The following FTO variants were observed in gnomAD, a reference collection of about 807,000 sequenced individuals.
The protein encoded by FTO is FTO alpha-ketoglutarate dependent dioxygenase, also known as alpha-ketoglutarate-dependent dioxygenase FTO.
In FTO, 47 loss-of-function variants were observed where a neutral mutation model predicts 63.9. That is an observed-to-expected ratio of 0.74 (90% CI 0.58 to 0.94). The LOEUF is 0.94. Ranked by LOEUF, FTO falls within the 40% of genes least tolerant of loss-of-function variation. FTO has a pLI of 0.00. For missense variants in FTO, 562 were observed against 618.1 expected, an observed-to-expected ratio of 0.91 and a Z score of 0.96; for synonymous variants, 207 against 224.4, an observed-to-expected ratio of 0.92 and a Z score of 0.69.
At chr16:53,973,033 A>C (rs567596358) in intron 8 of FTO, among the ~76,000 whole-genome samples, 6 of 152,348 alleles carry the variant, frequency 3.9e-5, no homozygotes, top group Admixed American at 2.6e-4. Flanking sequence ...AAAGTAAGGC[A>C]TTGACTCAGC....
At chr16:53,712,084 C>T (rs1343052358) in intron 1 of FTO, among the ~76,000 whole-genome samples, 2 of 152,070 alleles carry the variant, frequency 1.3e-5, no homozygotes, top group Non-Finnish European at 2.9e-5. Flanking sequence ...CAGAGTGAGA[C>T]CCTGTCTCTA....
chr16:53,897,377 A>T (rs2081301906), intron 7 of FTO, among the ~76,000 whole-genome samples: 1 of 152,160 alleles, frequency 6.6e-6, no homozygotes, highest in Admixed American at 6.6e-5. Context: ...TCAACTAAAA[A>T]TCTGGAGTCT....
In FTO at chr16:54,117,667, A is replaced by C. The variant is rs543911250; in HGVS notation, c.*5752A>C. ...TTCCATTTTTCGCTAGGCGGATGGC[A>C]TGGAACTTTTTATAAATGAGATATT... On this transcript the variant is annotated 3_prime_UTR_variant, in exon 9 of 9. Transcript: ENST00000471389. 6.6e-6 allele frequency: 1 copy of C among 152,304 alleles called. No homozygotes were observed. Among genetic ancestry groups the C allele is most frequent in the Admixed American group, 6.5e-5 (1 of 15,296 alleles). The allele number at this position is 152,304 out of a possible 1,614,324, so 9.4% of individuals were successfully genotyped here. A position where few individuals can be genotyped will look rare whatever the true frequency, so the allele number is the denominator to read the frequency against.
chr16:53,973,728 G>A (rs77422645), intron 8 of FTO, among the ~76,000 whole-genome samples: 1,729 of 152,250 alleles, frequency 0.011, 20 homozygotes, highest in Non-Finnish European at 0.016. Flanking sequence ...GGAAGAGGGA[G>A]ACCCAGTGGA....
intron 8 of FTO, among the ~76,000 whole-genome samples, chr16:53,976,652 A>G (rs765135060): frequency 6.6e-6 from 1 of 152,196 alleles, no homozygotes; most frequent in Non-Finnish European, 1.5e-5. Context: ...CATTGAATTT[A>G]TAGGTATATA....
At position 53,950,132 on chromosome 16, in the gene FTO, A is replaced by T. The variant is rs534014831; in HGVS notation, c.1364+16023A>T. ...ATGAGGTTTAGAGGCATTTGGCAGG[A>T]AAAAAAAAGATATTCACATTTGTAA... On this transcript the variant is annotated intron_variant, in intron 8 of 8. Transcript: ENST00000471389. Among the ~76,000 whole-genome samples the T allele has an allele frequency of 3.0e-5, 4 of 132,632 alleles. No homozygotes were observed. The South Asian group carries it at 6.8e-4, about 23-fold the overall frequency. The allele number at this position is 132,632 out of a possible 152,430, so 87.0% of individuals were successfully genotyped here. A position where few individuals can be genotyped will look rare whatever the true frequency, so the allele number is the denominator to read the frequency against.
At chr16:53,831,116 T>C (rs1003109226) in intron 3 of FTO, among the ~76,000 whole-genome samples, 1 of 152,222 alleles carries the variant, frequency 6.6e-6, no homozygotes, top group Admixed American at 6.5e-5. Context: ...ATCTCTATTT[T>C]AACATGACTT....
At chr16:54,064,280 C>G (rs1303858983) in intron 8 of FTO, among the ~76,000 whole-genome samples, 1 of 152,174 alleles carries the variant, frequency 6.6e-6, no homozygotes, top group Admixed American at 6.5e-5. Context: ...ATATTTCTTT[C>G]CAAAGCCCTG....
rs1338479402 is a variant in FTO at position 53,934,110 on chromosome 16, G to A, written c.1364+1G>A. On this transcript the variant is annotated splice_donor_variant, in intron 8 of 8. Transcript: ENST00000471389. LOFTEE classifies it high-confidence loss of function. The stretch of plus-strand genomic sequence containing the variant: ...ACCTGAGGAGAGAATGGCATGCCAG[G>A]TTAGTTCTGTTGTGAAATGGGATTT... 1 of 1,614,118 alleles carries A rather than the reference G, an allele frequency of 6.2e-7. No homozygotes were observed. The highest frequency in any genetic ancestry group is 1.7e-5 in the Admixed American group (1 of 60,024).
intron 1 of FTO, among the ~76,000 whole-genome samples, chr16:53,739,621 C>T (rs188462064): frequency 1.1e-3 from 166 of 152,244 alleles, no homozygotes; most frequent in African/African-American, 3.8e-3. Context: ...TTCAAAACCA[C>T]AGATTATCCA....
chr16:53,932,445 AGTGGT>A (rs2082306729), intron 7 of FTO, among the ~76,000 whole-genome samples: 2 of 150,624 alleles, frequency 1.3e-5, no homozygotes. Context: ...GCTAGAGTAC[AGTGGT>A]GTGATCTCAG....
chr16:53,818,099 A>G (rs544190801), intron 2 of FTO, among the ~76,000 whole-genome samples: 1 of 152,090 alleles, frequency 6.6e-6, no homozygotes, highest in South Asian at 2.1e-4. Context: ...ATGGAAAGTG[A>G]ACTTATTTGT....
rs1398984733 is a variant in FTO, at chr16:54,118,535, T to G, written c.*6620T>G. 6 of 152,080 alleles carry G rather than the reference T, an allele frequency of 3.9e-5. No individual in the cohort carries two copies. Among genetic ancestry groups the G allele is most frequent in the African/African-American group, 1.4e-4 (6 of 41,386 alleles). 9.4% of individuals were successfully genotyped at this position (152,080 alleles called of 1,614,324 possible). The stretch of plus-strand genomic sequence containing the variant: ...CCACCACATCCGGCTAATTTTTTTG[T>G]AGAGACAGGATTTCACCACATTACA... On this transcript the variant is annotated 3_prime_UTR_variant, in exon 9 of 9. Coordinates refer to ENST00000471389, the MANE Select transcript of FTO (RefSeq NM_001080432.3).
chr16:53,767,647 C>T lies in FTO; in HGVS notation c.46-42493C>T, dbSNP rs193194483. On this transcript the variant is annotated intron_variant, in intron 1 of 8. Transcript: ENST00000471389. Reference sequence around the variant, plus strand: ...GTGTCATTATTAAGCCCATGGGACTCTTCAATTTTAATGTTATATCAAAGA... The same window carrying T: ...GTGTCATTATTAAGCCCATGGGACTTTTCAATTTTAATGTTATATCAAAGA... Among the ~76,000 whole-genome samples the T allele has an allele frequency of 1.3e-4, 19 of 151,986 alleles. No homozygotes were observed. In the East Asian group the frequency reaches 3.3e-3, roughly 26 times the overall value.
intron 8 of FTO, among the ~76,000 whole-genome samples, chr16:53,954,794 C>T (rs914057322): frequency 3.3e-5 from 5 of 151,814 alleles, no homozygotes; most frequent in Admixed American, 2.0e-4. Flanking sequence ...AGGCTCACGT[C>T]GTTAGTGGGC....
chr16:53,954,789 C>T (rs1001327953), intron 8 of FTO, among the ~76,000 whole-genome samples: 3 of 151,846 alleles, frequency 2.0e-5, no homozygotes, highest in East Asian at 1.9e-4. Flanking sequence ...TAGGAAGGCT[C>T]ACGTCGTTAG....
intron 8 of FTO, chr16:53,998,617 A>G (rs1323758316): frequency 2.6e-5 from 4 of 152,184 alleles, no homozygotes; most frequent in Non-Finnish European, 4.4e-5. Flanking sequence ...GGTATTAACT[A>G]TGTCACCAAG....
At chr16:54,063,957 A>T (rs1385356582) in intron 8 of FTO, 1 of 150,312 alleles carries the variant, frequency 6.7e-6, no homozygotes, top group Non-Finnish European at 1.5e-5. Context: ...TATTTTTAAA[A>T]AACAAGAAAT....
At chr16:53,993,788 A>G (rs1406678161) in intron 8 of FTO, 1 of 152,206 alleles carries the variant, frequency 6.6e-6, no homozygotes, top group Admixed American at 6.5e-5. Context: ...TTCAGGAACC[A>G]GAATCTGGTG....
Sources: gnomAD v4.1 joint callset for allele counts (sites outside exome capture counted in the v4.1 genomes callset) on GRCh38, gnomAD v4.1.1 for gene constraint, MANE v1.5 for transcripts, NCBI Gene and HGNC (gene_info 2026-07-23, HGNC 2026-07-21) for gene names.